THADA: variants seen among roughly 807,000 people sequenced by gnomAD.
THADA encodes THADA armadillo repeat containing, also known as tRNA (32-2'-O)-methyltransferase regulator THADA.
A neutral mutation model predicts 219.8 loss-of-function variants in THADA; 213 were observed. That is an observed-to-expected ratio of 0.97 (90% CI 0.87 to 1.09). The LOEUF is 1.09. THADA is among the 50% of genes least tolerant of loss of function. THADA has a pLI of 0.00. For synonymous variants in THADA, 1,018 were observed against 828.9 expected (o/e 1.23, Z -3.92); for missense variants, 2,956 against 2,311.3 (o/e 1.28, Z -5.72).
At chr2:43,405,207 C>T (rs1192647359) in intron 28 of THADA, among the ~76,000 whole-genome samples, 2 of 152,114 alleles carry the variant, frequency 1.3e-5, no homozygotes, top group Non-Finnish European at 2.9e-5. Context: ...TCGACTCTAC[C>T]GCTATTATAC....
intron 29 of THADA, among the ~76,000 whole-genome samples, chr2:43,347,782 G>C (rs570777104): frequency 2.0e-5 from 3 of 152,336 alleles, no homozygotes; most frequent in African/African-American, 7.2e-5. Flanking sequence ...AAGTGGTCCT[G>C]TGTGCGCAGA....
At chr2:43,495,381 TAGAA>T (rs1427723081) in intron 25 of THADA, among the ~76,000 whole-genome samples, 4 of 151,976 alleles carry the variant, frequency 2.6e-5, no homozygotes, top group Non-Finnish European at 5.9e-5. Context: ...ATTATGAAAT[TAGAA>T]AGAAAATAAA....
chr2:43,399,798 C>G (rs911135561), intron 28 of THADA, among the ~76,000 whole-genome samples: 6 of 150,504 alleles, frequency 4.0e-5, no homozygotes, highest in Non-Finnish European at 8.9e-5. Flanking sequence ...CTGTAATTGG[C>G]AAATGCAGAA....
intron 26 of THADA, among the ~76,000 whole-genome samples, chr2:43,456,244 T>C (rs938255786): frequency 5.9e-5 from 9 of 152,220 alleles, no homozygotes; most frequent in Non-Finnish European, 5.9e-5. Flanking sequence ...CAGACAAAGG[T>C]AATATTCCAC....
rs371961080 is a variant in THADA, at chr2:43,571,719, A to G, written c.2052T>C (p.Ser684=). The change falls in exon 13 of 38, where the codon TCT becomes TCC. Residue 684 remains serine (S), a synonymous_variant. Transcript: ENST00000405975. The stretch of plus-strand genomic sequence containing the variant: ...TGGGAAATTCTACCTTTTTAAGAAG[A>G]GAACAGATCTGTTGCCGCACTCCTG... ...QSPGVRQQIC[S]LLKKLFCRIQ... The G allele has an allele frequency of 5.8e-5, 93 of 1,610,938 alleles. No individual in the cohort carries two copies. The African/African-American group carries it at 9.6e-4, about 17-fold the overall frequency.
chr2:43,335,085 C>T (rs983161542), intron 30 of THADA, among the ~76,000 whole-genome samples: 23 of 152,186 alleles, frequency 1.5e-4, no homozygotes, highest in Admixed American at 3.9e-4. Context: ...CTTCAAGGTA[C>T]GTACTCTGTC....
At position 43,344,208 on chromosome 2, in the gene THADA, G is replaced by A. The variant is rs35422033; in HGVS notation, c.4257C>T (p.Asp1419=). 8.3e-3 allele frequency: 13,349 copies of A among 1,612,044 alleles called. 133 individuals are homozygous for A. The highest frequency in any genetic ancestry group is 0.04 in the African/African-American group (3,018 of 75,006). ...AGTCTGAATTCGTTCCGTGTTTGGAGTCTGAGTAGGCTTGCAACAAATGAA... is the reference window on the plus strand; with the variant it reads ...AGTCTGAATTCGTTCCGTGTTTGGAATCTGAGTAGGCTTGCAACAAATGAA... ...QVFHLLQAYS[D]SKHGTNSDFQ... The change falls in exon 30 of 38, where the codon GAC becomes GAT. Residue 1419 remains aspartate, a synonymous_variant. Coordinates refer to ENST00000405975, the MANE Select transcript of THADA (RefSeq NM_022065.5).
intron 26 of THADA, among the ~76,000 whole-genome samples, chr2:43,442,740 G>A (rs1200973778): frequency 6.6e-6 from 1 of 152,100 alleles, no homozygotes; most frequent in Non-Finnish European, 1.5e-5. Flanking sequence ...TGACCCCATG[G>A]ACCTTCACTA....
chr2:43,445,428 T>C (rs1255450822), intron 26 of THADA, among the ~76,000 whole-genome samples: 3 of 152,216 alleles, frequency 2.0e-5, no homozygotes, highest in Non-Finnish European at 4.4e-5. Flanking sequence ...CCTAGAGTAG[T>C]TAACAAAACA....
chr2:43,358,358 T>C (rs997716110), intron 29 of THADA, among the ~76,000 whole-genome samples: 2 of 151,946 alleles, frequency 1.3e-5, no homozygotes, highest in South Asian at 2.1e-4. Flanking sequence ...ATAAGAAACT[T>C]TGACATTCCC....
chr2:43,572,817 G>A lies in THADA; in HGVS notation c.1905C>T (p.Cys635=). Residue 635 remains cysteine, a synonymous_variant, in exon 12 of 38, where the codon TGC becomes TGT. Transcript: ENST00000405975. ...RIKQGLIHQH[C]QVRIDTLGLL... is the part of the protein sequence containing the mutation. Reference sequence around the variant, plus strand: ...CCAGGTAATTTTCTTTACTTACTTGGCAATGCTGATGAATTAAGCCTTGCT... The same window carrying A: ...CCAGGTAATTTTCTTTACTTACTTGACAATGCTGATGAATTAAGCCTTGCT... 2 of 1,613,094 alleles carry A rather than the reference G, an allele frequency of 1.2e-6. No homozygotes were observed. The highest frequency in any genetic ancestry group is 8.5e-7 in the Non-Finnish European group (1 of 1,179,492).
chr2:43,595,440 T>C (rs868246436), intron 1 of THADA, among the ~76,000 whole-genome samples: 2 of 152,196 alleles, frequency 1.3e-5, no homozygotes, highest in Non-Finnish European at 2.9e-5. Context: ...GGGAGACTAT[T>C]CTCTGGTGAA....
At chr2:43,287,784 G>T (rs1423482625) in intron 34 of THADA, among the ~76,000 whole-genome samples, 2 of 152,206 alleles carry the variant, frequency 1.3e-5, no homozygotes, top group African/African-American at 2.4e-5. Context: ...CCCAGCTAGA[G>T]ACTACATGTC....
intron 7 of THADA, among the ~76,000 whole-genome samples, chr2:43,585,845 A>G (rs868411517): frequency 1.3e-5 from 2 of 152,172 alleles, no homozygotes; most frequent in African/African-American, 2.4e-5. Context: ...TATTCTCATA[A>G]CAATTTATTA....
intron 31 of THADA, among the ~76,000 whole-genome samples, chr2:43,308,566 G>A (rs1261098905): frequency 6.6e-6 from 1 of 151,898 alleles, no homozygotes; most frequent in Non-Finnish European, 1.5e-5. Context: ...TTAGGGCATG[G>A]TGGCATGTGC....
intron 36 of THADA, among the ~76,000 whole-genome samples, chr2:43,275,894 T>G (rs539356651): frequency 2.0e-5 from 3 of 152,242 alleles, no homozygotes; most frequent in African/African-American, 4.8e-5. Context: ...AGGTTGTTTT[T>G]CCCACACAGA....
intron 14 of THADA, among the ~76,000 whole-genome samples, chr2:43,567,439 G>A (rs1321158907): frequency 6.6e-6 from 1 of 152,044 alleles, no homozygotes; most frequent in Non-Finnish European, 1.5e-5. Flanking sequence ...AGACCAGCAT[G>A]TCCAACATGA....
At chr2:43,413,540 T>C (rs1676561975) in intron 28 of THADA, among the ~76,000 whole-genome samples, 1 of 152,212 alleles carries the variant, frequency 6.6e-6, no homozygotes, top group Non-Finnish European at 1.5e-5. Context: ...ACATTTCTAG[T>C]TGTGGAACAT....
intron 28 of THADA, among the ~76,000 whole-genome samples, chr2:43,417,887 A>G (rs959055874): frequency 3.9e-5 from 6 of 152,254 alleles, no homozygotes; most frequent in African/African-American, 1.4e-4. Flanking sequence ...TGGGATAGTA[A>G]CGACAATGAC....
Sources: allele counts gnomAD v4.1 joint callset (sites outside exome capture counted in the v4.1 genomes callset), GRCh38; gene constraint gnomAD v4.1.1; transcripts MANE v1.5; gene names NCBI Gene and HGNC (gene_info 2026-07-23, HGNC 2026-07-21).